Variants in UPF3B observed in about 807,000 individuals in gnomAD.
UPF3B encodes UPF3B regulator of nonsense mediated mRNA decay, also known as regulator of nonsense transcripts 3B.
In UPF3B, 7 loss-of-function variants were observed where a neutral mutation model predicts 40.3. That is an observed-to-expected ratio of 0.17 (90% CI 0.10 to 0.33). The LOEUF is 0.33. Among genes scored for constraint, UPF3B ranks in the 10% least tolerant of loss-of-function variants. The pLI, the probability that UPF3B is intolerant of heterozygous loss-of-function variation, is 1.00. For synonymous variants in UPF3B, 117 were observed against 117.3 expected, an observed-to-expected ratio of 1.00 and a Z score of 0.01; for missense variants, 229 against 358.9, an observed-to-expected ratio of 0.64 and a Z score of 2.93.
chrX:119,811,100 G>GT (rs1341405437), intron 5 of UPF3B, among the ~76,000 whole-genome samples: 2 of 108,421 alleles, frequency 1.8e-5, no homozygotes, highest in Non-Finnish European at 3.8e-5. Flanking sequence ...GTGCAGTGAC[G>GT]TGATCTCCGC....
rs1206778062 is a variant in UPF3B at position 119,834,561 on chromosome X, T to C, written c.*317A>G. 3 of 935,818 alleles carry C rather than the reference T, an allele frequency of 3.2e-6. No homozygotes were observed. Among genetic ancestry groups the C allele is most frequent in the Non-Finnish European group, 4.0e-6 (3 of 753,594 alleles). 77.1% of individuals were successfully genotyped at this position (935,818 alleles called of 1,213,427 possible). A position where few individuals can be genotyped will look rare whatever the true frequency, so the allele number is the denominator to read the frequency against. On this transcript the variant is annotated 3_prime_UTR_variant, in exon 11 of 11. Coordinates refer to ENST00000276201, the MANE Select transcript of UPF3B (RefSeq NM_080632.3). ...TTGATTTTAGAACCAGCTCTTACTTTTCTCTCGTGTCATATGTGATGAAGT... is the reference window on the plus strand; with the variant it reads ...TTGATTTTAGAACCAGCTCTTACTTCTCTCTCGTGTCATATGTGATGAAGT...
chrX:119,823,556 C>CTTTTTTTTTTTTTTTTTTTTTTTTT (rs1569459617), intron 3 of UPF3B, among the ~76,000 whole-genome samples: 1 of 42,090 alleles, frequency 2.4e-5, no homozygotes. Context: ...TCTTTTTTTC[C>CTTTTTTTTTTTTTTTTTTTTTTTTT]TCTTTTTTTT....
intron 3 of UPF3B, among the ~76,000 whole-genome samples, chrX:119,828,671 A>T (rs1345999066): frequency 1.2e-5 from 1 of 86,128 alleles, no homozygotes; most frequent in African/African-American, 5.1e-5. Context: ...GTCTTTACTT[A>T]AAAAAAAAAA....
At chrX:119,821,501 T>C (rs770585254) in intron 4 of UPF3B, among the ~76,000 whole-genome samples, 1 of 112,494 alleles carries the variant, frequency 8.9e-6, no homozygotes, top group Non-Finnish European at 1.9e-5. Flanking sequence ...ATTTAATTTC[T>C]CAAAACTCAC....
chrX:119,817,034 G>A (rs897041089), intron 4 of UPF3B, among the ~76,000 whole-genome samples: 2 of 111,509 alleles, frequency 1.8e-5, no homozygotes, highest in Non-Finnish European at 3.8e-5. Flanking sequence ...GCAATGGTGC[G>A]ATCTCGGCTG....
chrX:119,815,979 A>G (rs902663590), intron 4 of UPF3B, among the ~76,000 whole-genome samples: 1 of 111,234 alleles, frequency 9.0e-6, no homozygotes, highest in East Asian at 2.8e-4. Flanking sequence ...ACGGGGTTTC[A>G]CCACGTAGGC....
At chrX:119,811,913 T>C (rs2055830388) in intron 5 of UPF3B, among the ~76,000 whole-genome samples, 2 of 109,952 alleles carry the variant, frequency 1.8e-5, no homozygotes, top group African/African-American at 6.6e-5. Context: ...GATTGTGCCA[T>C]GGCACTCCAG....
At chrX:119,815,941 C>T (rs192274609) in intron 4 of UPF3B, among the ~76,000 whole-genome samples, 1 of 111,055 alleles carries the variant, frequency 9.0e-6, no homozygotes, top group Non-Finnish European at 1.9e-5. Flanking sequence ...ACCACCAAGC[C>T]CGGCTAATTT....
intron 6 of UPF3B, among the ~76,000 whole-genome samples, chrX:119,806,695 T>G (rs1026135822): frequency 9.0e-6 from 1 of 110,970 alleles, no homozygotes; most frequent in Non-Finnish European, 1.9e-5. Flanking sequence ...GCTTCTACAC[T>G]TCCCAAAGTC....
In UPF3B at chrX:119,834,768, A is replaced by G; in HGVS notation, c.*110T>C. 8.3e-7 allele frequency: 1 copy of G among 1,204,905 alleles called. No homozygotes were observed. ...CTCCTCTGCAGTGTACCCCACCAGC[A>G]CAGCGGCTCCCTTTCTCTCTATTCT... On this transcript the variant is annotated 3_prime_UTR_variant, in exon 11 of 11. Coordinates refer to ENST00000276201, the MANE Select transcript of UPF3B (RefSeq NM_080632.3).
In UPF3B at chrX:119,842,599, CACACAT is replaced by C. The variant is rs1189675039; in HGVS notation, c.580+586_580+591del. 4.9e-3 allele frequency among the ~76,000 whole-genome samples: 396 copies of C among 81,152 alleles called. 2 individuals are homozygous for C. The highest frequency in any genetic ancestry group is 0.018 in the African/African-American group (361 of 20,026). 70.5% of individuals were successfully genotyped at this position (81,152 alleles called of 115,157 possible). ...CATCTCTCACACACACACACACACA[CACACAT>C]ACACACACACACACACACACACACA... is the stretch of plus-strand genomic sequence containing the variant. On this transcript the variant is annotated intron_variant, in intron 5 of 10. Coordinates refer to ENST00000276201, the MANE Select transcript of UPF3B (RefSeq NM_080632.3).
At chrX:119,850,891 G>A (rs5910685) in intron 3 of UPF3B, among the ~76,000 whole-genome samples, 6,558 of 111,338 alleles carry the variant, frequency 0.059, 160 homozygotes, top group Middle Eastern at 0.18. Context: ...GGCGTGGACC[G>A]CCACGCCTGG....
At chrX:119,842,601 C>CAT (rs746806546) in intron 5 of UPF3B, among the ~76,000 whole-genome samples, 5 of 91,078 alleles carry the variant, frequency 5.5e-5, no homozygotes, top group Admixed American at 2.6e-4. Context: ...CACACACACA[C>CAT]ACATACACAC....
At chrX:119,833,400 T>C (rs1235610477), downstream of UPF3B, among the ~76,000 whole-genome samples, 1 of 111,837 alleles carries the variant, frequency 8.9e-6, no homozygotes, top group Admixed American at 9.6e-5. Flanking sequence ...AGTGCAGTGG[T>C]GTGATCATGG....
chrX:119,852,403 C>T (rs761162429), intron 1 of UPF3B, among the ~76,000 whole-genome samples: 2 of 112,345 alleles, frequency 1.8e-5, no homozygotes, highest in South Asian at 7.3e-4. Flanking sequence ...GCACTCTCCC[C>T]CAACTCGCCT....
chrX:119,852,368 A>G, intron 1 of UPF3B, among the ~76,000 whole-genome samples: 1 of 111,818 alleles, frequency 8.9e-6, no homozygotes, highest in Non-Finnish European at 1.9e-5. Context: ...CTCTCGATCT[A>G]CCCTCCTGTA....
rs745970027 is a variant in UPF3B at position 119,827,736 on chromosome X, C to T, written c.392+3916G>A. On this transcript the variant is annotated intron_variant, in intron 3 of 6. Coordinates refer to the UPF3B transcript ENST00000636792. ...CACACACTCTTGGGTTTTTTTTCCT[C>T]TTCTTTATTTTTTTGAGATGGAGTC... Among the ~76,000 whole-genome samples, 57 of 109,176 alleles carry T rather than the reference C, an allele frequency of 5.2e-4. 1 individual carries two copies. Among genetic ancestry groups the T allele is most frequent in the Non-Finnish European group, 4.4e-4 (23 of 52,443 alleles). 94.8% of individuals were successfully genotyped at this position (109,176 alleles called of 115,157 possible).
intron 3 of UPF3B, among the ~76,000 whole-genome samples, chrX:119,848,744 T>C (rs1394519674): frequency 4.5e-5 from 5 of 111,465 alleles, no homozygotes; most frequent in African/African-American, 1.6e-4. Flanking sequence ...GACCACATAT[T>C]GTATGATTAC....
At chrX:119,840,229 T>C (rs373969674) in intron 8 of UPF3B, among the ~76,000 whole-genome samples, 1 of 111,815 alleles carries the variant, frequency 8.9e-6, no homozygotes, top group Non-Finnish European at 1.9e-5. Context: ...CCAAATGCAA[T>C]GCATGAATCC....
Sources: allele counts gnomAD v4.1 joint callset (sites outside exome capture counted in the v4.1 genomes callset), GRCh38; gene constraint gnomAD v4.1.1; transcripts MANE v1.5; gene names NCBI Gene and HGNC (gene_info 2026-07-23, HGNC 2026-07-21).